ZNF341: variants seen among roughly 807,000 people sequenced by gnomAD.
The protein encoded by ZNF341 is zinc finger protein 341.
Under a neutral mutation model 87.7 loss-of-function variants are expected in ZNF341, and 52 were observed. The observed-to-expected ratio is 0.59, with a 90% CI of 0.47 to 0.75. The LOEUF (loss-of-function observed/expected upper bound fraction) is 0.75, where lower values mean the gene tolerates loss of function less well. ZNF341 is among the 30% of genes least tolerant of loss of function. The probability of loss-of-function intolerance (pLI) is 0.00; values close to 1 mark genes in which losing one functional copy is unlikely to be tolerated. For synonymous variants in ZNF341, 459 were observed against 472.7 expected (o/e 0.97, Z 0.38); for missense variants, 977 against 1,145.9 (o/e 0.85, Z 2.13).
Position 33,761,888 on chromosome 20 carries a change from G to A in ZNF341, c.1055G>A (p.Cys352Tyr). The A allele has an allele frequency of 1.9e-6, 3 of 1,580,000 alleles. No homozygotes were observed. Among genetic ancestry groups the A allele is most frequent in the Non-Finnish European group, 1.7e-6 (2 of 1,155,412 alleles). ...RSHTGEKPFQCIACGRAFAQK... is the reference protein window; with the variant it reads ...RSHTGEKPFQYIACGRAFAQK... ...CACACCGGTGAGAAGCCCTTCCAGT[G>A]CATTGCATGTGGCCGTGCCTTTGCC... The change falls in exon 8 of 15, where the codon TGC (cysteine) becomes TAC (tyrosine). Residue 352 changes from cysteine to tyrosine, a missense_variant. This residue lies in a region of ZNF341 where 515 missense variants were observed against 598.2 expected (regional missense o/e 0.86). Transcript: ENST00000375200.
At chr20:33,740,866 G>T in intron 1 of ZNF341, 36 bp from the exon 2 acceptor site, 1 of 1,590,684 alleles carries the variant, frequency 6.3e-7, no homozygotes, top group Non-Finnish European at 8.6e-7. Flanking sequence ...ATGATGCTGG[G>T]CCTACCTTCC....
At position 33,791,397 on chromosome 20, in the gene ZNF341, G is replaced by A. The variant is rs1384145983; in HGVS notation, c.2445G>A (p.Leu815=). The A allele has an allele frequency of 1.9e-6, 3 of 1,612,374 alleles. No individual in the cohort carries two copies. Among genetic ancestry groups the A allele is most frequent in the Non-Finnish European group, 2.5e-6 (3 of 1,179,752 alleles). ...VGGAVGAETE[L]VVPGHAEGLG... ...GTGCGGTGGGCGCGGAAACTGAGCT[G>A]GTGGTACCTGGACACGCTGAGGGGC... The change falls in exon 15 of 15, where the codon CTG becomes CTA. Residue 815 remains leucine, a synonymous_variant. Transcript: ENST00000375200.
At chr20:33,783,894 C>T in intron 12 of ZNF341, 30 bp downstream of exon 12, 1 of 1,598,432 alleles carries the variant, frequency 6.3e-7, no homozygotes, top group Non-Finnish European at 8.5e-7. Context: ...GAACTCCAGC[C>T]CAGCCCCTCC....
chr20:33,746,051 C>T (rs1258589765), intron 3 of ZNF341, among the ~76,000 whole-genome samples: 1 of 150,872 alleles, frequency 6.6e-6, no homozygotes, highest in Non-Finnish European at 1.5e-5. Context: ...CTGCCTCAGC[C>T]TCCCAAGTAG....
chr20:33,774,854 G>A (rs1487387365), intron 10 of ZNF341, among the ~76,000 whole-genome samples: 1 of 152,100 alleles, frequency 6.6e-6, no homozygotes, highest in Non-Finnish European at 1.5e-5. Flanking sequence ...TGTAGTCCCA[G>A]TTACTTGGGA....
At chr20:33,754,942 A>C (rs1038258539) in intron 5 of ZNF341, among the ~76,000 whole-genome samples, 4 of 152,102 alleles carry the variant, frequency 2.6e-5, no homozygotes, top group African/African-American at 9.7e-5. Flanking sequence ...TCACGTGACA[A>C]GTATTTATTT....
chr20:33,791,383 G>A lies in ZNF341; in HGVS notation c.2431G>A (p.Ala811Thr), dbSNP rs145551003. The change falls in exon 15 of 15, where the codon GCG becomes ACG. Residue 811 changes from alanine to threonine, a missense_variant. This residue lies in a region of ZNF341 where 221 missense variants were observed against 212.7 expected (regional missense o/e 1.04). Transcript: ENST00000375200. Reference sequence around the variant, plus strand: ...CATCGTTGTGGGTGGTGCGGTGGGCGCGGAAACTGAGCTGGTGGTACCTGG... The same window carrying A: ...CATCGTTGTGGGTGGTGCGGTGGGCACGGAAACTGAGCTGGTGGTACCTGG... Reference protein sequence around the residue: ...LSIVVGGAVGAETELVVPGHA... With the variant: ...LSIVVGGAVGTETELVVPGHA... 1.4e-4 allele frequency: 231 copies of A among 1,612,470 alleles called. No homozygotes were observed. The highest frequency in any genetic ancestry group is 1.8e-4 in the Non-Finnish European group (214 of 1,179,730).
chr20:33,770,492 T>C (rs562894454), intron 10 of ZNF341, among the ~76,000 whole-genome samples, 200 bp downstream of exon 10: 1 of 152,252 alleles, frequency 6.6e-6, no homozygotes, highest in Admixed American at 6.5e-5. Flanking sequence ...TGGCTCTCCT[T>C]ATATCATTCT....
Position 33,741,018 on chromosome 20 carries a change from T to A in ZNF341, c.142+6T>A. Reference sequence around the variant, plus strand: ...CCCTGCTATCCAGCCATTGGGTGAGTATCTGCTCAGGTTCACCGGTGGGAG... The same window carrying A: ...CCCTGCTATCCAGCCATTGGGTGAGAATCTGCTCAGGTTCACCGGTGGGAG... On this transcript the variant is annotated splice_donor_region_variant and intron_variant, in intron 2 of 14. Coordinates refer to ENST00000375200, the MANE Select transcript of ZNF341 (RefSeq NM_001282933.2). 1 of 1,613,048 alleles carries A rather than the reference T, an allele frequency of 6.2e-7. No homozygotes were observed. Among genetic ancestry groups the A allele is most frequent in the South Asian group, 1.1e-5 (1 of 91,052 alleles).
chr20:33,735,330 A>G (rs182667795), intron 1 of ZNF341, among the ~76,000 whole-genome samples: 6 of 151,880 alleles, frequency 4.0e-5, no homozygotes, highest in Non-Finnish European at 7.4e-5. Context: ...GTGTCCAGCC[A>G]GCCTTTTTTA....
intron 8 of ZNF341, 97 bp downstream of exon 8, chr20:33,762,152 C>T (rs1178802009): frequency 1.3e-5 from 15 of 1,114,480 alleles, no homozygotes; most frequent in Non-Finnish European, 1.7e-5. Context: ...AACCCCATGA[C>T]CTCTCTGGGC....
rs376598954 is a variant in ZNF341 at position 33,781,315 on chromosome 20, C to T, written c.1647C>T (p.Tyr549=). The change falls in exon 11 of 15, where the codon TAC becomes TAT. Residue 549 remains tyrosine, a synonymous_variant. Transcript: ENST00000375200. ...GGTGTGTCAAATGTGTCAACAAATA[C>T]TCCACCCCTGAGGCCCTGGAGCACC... ...VYKCVKCVNK[Y]STPEALEHHL... 64 of 1,614,088 alleles carry T rather than the reference C, an allele frequency of 4.0e-5. No homozygotes were observed. The highest frequency in any genetic ancestry group is 3.3e-4 in the Middle Eastern group (2 of 6,062).
At chr20:33,769,994 A>G (rs1273115872) in intron 9 of ZNF341, 90 bp from the exon 10 acceptor site, 3 of 806,882 alleles carry the variant, frequency 3.7e-6, no homozygotes, top group Non-Finnish European at 4.2e-6. Flanking sequence ...ATCATTTACC[A>G]TCAGTGTCCA....
At chr20:33,781,433 G>T in intron 11 of ZNF341, 46 bp downstream of exon 11, 1 of 1,561,940 alleles carries the variant, frequency 6.4e-7, no homozygotes, top group Non-Finnish European at 8.8e-7. Context: ...TATAATAAGG[G>T]CAAGGAGGTG....
At position 33,791,880 on chromosome 20, in the gene ZNF341, C is replaced by G; in HGVS notation, c.*363C>G. ...CCTCCCCACTCTGTCTCCAGGCTGC[C>G]TCTGGGTAGCCTCTAGTCTGCTGTT... On this transcript the variant is annotated 3_prime_UTR_variant, in exon 15 of 15. Transcript: ENST00000375200. 1 of 245,596 alleles carries G rather than the reference C, an allele frequency of 4.1e-6. No individual in the cohort carries two copies. The allele number at this position is 245,596 out of a possible 1,614,324, so 15.2% of individuals were successfully genotyped here.
Position 33,753,787 on chromosome 20 carries a change from A to C in ZNF341, c.741+364A>C, listed in dbSNP as rs545560292. ...TGAGTGTCTCTTACAGTTTTTAATA[A>C]GCTAGGTGTATCAGTTAGCTATTGC... On this transcript the variant is annotated intron_variant, in intron 5 of 14. Coordinates refer to ENST00000375200, the MANE Select transcript of ZNF341 (RefSeq NM_001282933.2). 1.9e-4 allele frequency among the ~76,000 whole-genome samples: 29 copies of C among 152,356 alleles called. No homozygotes were observed. In the South Asian group the frequency reaches 3.7e-3, roughly 20 times the overall value.
Position 33,791,140 on chromosome 20 carries a change from C to T in ZNF341, c.2188C>T (p.Arg730Cys), listed in dbSNP as rs762130381. 1.2e-5 allele frequency: 20 copies of T among 1,613,164 alleles called. No individual in the cohort carries two copies. The highest frequency in any genetic ancestry group is 6.7e-5 in the African/African-American group (5 of 74,934). ...CCGCCACAAATACCTCAAAGATCAC[C>T]GCTGTCGTCTCGGCCCCCAAAAGGA... The part of the protein sequence containing the change: ...FSRHKYLKDH[R>C]CRLGPQKDKD... Residue 730 changes from arginine (R) to cysteine (C), a missense_variant, in exon 15 of 15, where the codon CGC becomes TGC. Physicochemically the swap from Arg to Cys is radical, Grantham distance 180 (BLOSUM62 -3). Transcript: ENST00000375200.
At chr20:33,741,120 G>A (rs913686537) in intron 2 of ZNF341, 108 bp downstream of exon 2, 15 of 1,055,462 alleles carry the variant, frequency 1.4e-5, no homozygotes, top group Non-Finnish European at 1.9e-5. Context: ...TGGTCCCCAG[G>A]ACATGCTCTG....
intron 3 of ZNF341, among the ~76,000 whole-genome samples, chr20:33,747,428 A>T (rs2018951613): frequency 7.2e-6 from 1 of 139,598 alleles, no homozygotes; most frequent in South Asian, 2.1e-4. Context: ...ATCCCGGCTA[A>T]AACGGTGAAA....
Sources: gnomAD v4.1 joint callset for allele counts (sites outside exome capture counted in the v4.1 genomes callset) on GRCh38, gnomAD v4.1.1 for gene constraint, gnomAD v4.1.1 regional missense constraint, MANE v1.5 for transcripts, NCBI Gene and HGNC (gene_info 2026-07-23, HGNC 2026-07-21) for gene names.